Variants in TNNT2 observed in about 807,000 individuals in gnomAD.
TNNT2 encodes the protein troponin T, cardiac muscle.
In TNNT2, 34 loss-of-function variants were observed where a neutral mutation model predicts 62.4. The observed-to-expected ratio is 0.54, with a 90% CI of 0.41 to 0.72. The LOEUF is 0.72. TNNT2 is among the 30% of genes least tolerant of loss of function. The pLI is 0.00. For missense variants in TNNT2, 275 were observed against 381.9 expected, an observed-to-expected ratio of 0.72 and a Z score of 2.33; for synonymous variants, 123 against 127.2, an observed-to-expected ratio of 0.97 and a Z score of 0.22.
At chr1:201,369,711 C>T (rs1010490445) in intron 5 of TNNT2, 105 bp downstream of exon 5, 96 of 1,417,364 alleles carry the variant, frequency 6.8e-5, no homozygotes, top group African/African-American at 5.7e-5. Flanking sequence ...CCGTCCCTGC[C>T]GCCTACTCAC....
At chr1:201,368,422 C>T in intron 5 of TNNT2, 195 bp from the exon 6 acceptor site, 1 of 659,752 alleles carries the variant, frequency 1.5e-6, no homozygotes, top group East Asian at 3.1e-5. Flanking sequence ...CGCCACCCAG[C>T]TTAGCCCCAC....
chr1:201,359,699 G>A (rs368131332), intron 15 of TNNT2, 36 bp from the exon 16 acceptor site: 8 of 1,566,394 alleles, frequency 5.1e-6, no homozygotes, highest in Non-Finnish European at 6.1e-6. Flanking sequence ...GAGCAACGCT[G>A]GAGCTGACTG....
At chr1:201,370,804 C>A (rs1571666757) in intron 4 of TNNT2, among the ~76,000 whole-genome samples, 1 of 152,298 alleles carries the variant, frequency 6.6e-6, no homozygotes, top group South Asian at 2.1e-4. Flanking sequence ...ACTCCACCAC[C>A]CTAAACCTGT....
In TNNT2 at chr1:201,372,011, T is replaced by C; in HGVS notation, c.67+16A>G. 6.2e-7 allele frequency: 1 copy of C among 1,613,842 alleles called. No individual in the cohort carries two copies. Among genetic ancestry groups the C allele is most frequent in the Non-Finnish European group, 8.5e-7 (1 of 1,179,978 alleles). On this transcript the variant is annotated intron_variant, in intron 4 of 16. Coordinates refer to ENST00000656932, the MANE Select transcript of TNNT2 (RefSeq NM_001276345.2). Reference sequence around the variant, plus strand: ...GCCTGCCCCTTTCTGGCTCTCCACCTGCCTGAGGCACATACCTTCAACAGC... The same window carrying C: ...GCCTGCCCCTTTCTGGCTCTCCACCCGCCTGAGGCACATACCTTCAACAGC...
At chr1:201,365,515 G>T in intron 9 of TNNT2, 95 bp downstream of exon 9, 3 of 1,424,190 alleles carry the variant, frequency 2.1e-6, no homozygotes, top group Non-Finnish European at 2.0e-6. Context: ...TCCCACCTAT[G>T]CTCTACCCCA....
intron 8 of TNNT2, chr1:201,365,970 C>G: frequency 7.9e-7 from 1 of 1,271,386 alleles, no homozygotes; most frequent in Non-Finnish European, 1.0e-6. Flanking sequence ...ATGACTTGCT[C>G]AAAGCCACAC....
Position 201,363,379 on chromosome 1 carries a change from C to G in TNNT2, c.517G>C (p.Glu173Gln), listed in dbSNP as rs1558225569. The G allele has an allele frequency of 6.2e-7, 1 of 1,613,906 alleles. No individual in the cohort carries two copies. The highest frequency in any genetic ancestry group is 8.5e-7 in the Non-Finnish European group (1 of 1,179,808). ...AEERARREEEENRRKAEDEAR... is the reference protein window; with the variant it reads ...AEERARREEEQNRRKAEDEAR... ...TCATCCTCAGCCTTCCTCCTGTTCT[C>G]CTCCTCCTCTCGTCGAGCCCTCTCT... The change falls in exon 12 of 17, where the codon GAG (glutamate) becomes CAG (glutamine). Residue 173 changes from glutamate (E) to glutamine (Q), a missense_variant. Transcript: ENST00000656932.
At chr1:201,366,354 T>TA in intron 8 of TNNT2, 10 of 925,480 alleles carry the variant, frequency 1.1e-5, no homozygotes, top group Non-Finnish European at 1.2e-5. Flanking sequence ...AAATGCTCCC[T>TA]ATCCCCCAGC....
Position 201,364,298 on chromosome 1 carries a change from A to G in TNNT2, c.489T>C (p.Ala163=). 2 of 1,612,248 alleles carry G rather than the reference A, an allele frequency of 1.2e-6. No individual in the cohort carries two copies. The highest frequency in any genetic ancestry group is 1.7e-6 in the Non-Finnish European group (2 of 1,179,846). ...TGGGCCTGGGCTAGGGGTCACTCACAGCCAGGCGGTTCTGCCGCTCCTTCT... is the reference window on the plus strand; with the variant it reads ...TGGGCCTGGGCTAGGGGTCACTCACGGCCAGGCGGTTCTGCCGCTCCTTCT... ...EREKERQNRL[A]EERARREEEE... The change falls in exon 11 of 17, where the codon GCT becomes GCC. Residue 163 remains alanine (A), a splice_region_variant and synonymous_variant. Transcript: ENST00000656932.
At position 201,364,241 on chromosome 1, in the gene TNNT2, C is replaced by G. The variant is rs45527945; in HGVS notation, c.489+57G>C. On this transcript the variant is annotated intron_variant, in intron 11 of 16. Coordinates refer to ENST00000656932, the MANE Select transcript of TNNT2 (RefSeq NM_001276345.2). ...GATGAATAGAGAGGGGCCTGGGGGCCCAGCAGGAGCTGGGAGCATGGGGGG... is the reference window on the plus strand; with the variant it reads ...GATGAATAGAGAGGGGCCTGGGGGCGCAGCAGGAGCTGGGAGCATGGGGGG... The G allele has an allele frequency of 8.3e-3, 12,863 of 1,556,130 alleles. 703 individuals are homozygous for G. In the East Asian group the frequency reaches 0.17, roughly 20 times the overall value.
At chr1:201,365,095 C>T (rs1008272790) in intron 10 of TNNT2, 96 bp downstream of exon 10, 10 of 1,084,250 alleles carry the variant, frequency 9.2e-6, no homozygotes, top group African/African-American at 4.6e-5. Context: ...TTTGAGGCGC[C>T]GAGGAAGGCT....
intron 1 of TNNT2, chr1:201,373,472 G>A: frequency 1.6e-6 from 1 of 619,400 alleles, no homozygotes; most frequent in East Asian, 2.8e-5. Context: ...AAGGCCACCT[G>A]CTGATGTCCA....
chr1:201,369,202 C>A (rs1660195849), intron 5 of TNNT2: 1 of 447,588 alleles, frequency 2.2e-6, no homozygotes. Context: ...TACTGCCTCC[C>A]CAACCCACCT....
intron 10 of TNNT2, 46 bp from the exon 11 acceptor site, chr1:201,364,421 G>T: frequency 6.3e-7 from 1 of 1,593,386 alleles, no homozygotes; most frequent in Non-Finnish European, 8.6e-7. Flanking sequence ...TAGGGAGAAG[G>T]TGACATCGCA....
intron 7 of TNNT2, chr1:201,367,125 T>TTC: frequency 1.6e-6 from 1 of 612,028 alleles, no homozygotes; most frequent in Non-Finnish European, 2.9e-6. Flanking sequence ...ACACAAAGCC[T>TTC]TCTCTCACTC....
At chr1:201,363,877 CT>C (rs1240590118) in intron 11 of TNNT2, 2 of 272,634 alleles carry the variant, frequency 7.3e-6, no homozygotes, top group African/African-American at 4.8e-5. Flanking sequence ...TTGATATTGT[CT>C]CTTTTTTTTC....
chr1:201,371,405 C>T (rs1660586654), intron 4 of TNNT2, among the ~76,000 whole-genome samples: 1 of 152,240 alleles, frequency 6.6e-6, no homozygotes, highest in Non-Finnish European at 1.5e-5. Context: ...GACAAATCTT[C>T]ATGCCGAGAT....
intron 11 of TNNT2, chr1:201,363,719 T>C: frequency 2.4e-6 from 1 of 422,118 alleles, no homozygotes; most frequent in Non-Finnish European, 4.4e-6. Flanking sequence ...CTACGGGGCC[T>C]TCGGTTCCCA....
chr1:201,366,806 T>A (rs1321715292), intron 8 of TNNT2, 32 bp downstream of exon 8: 1 of 1,614,044 alleles, frequency 6.2e-7, no homozygotes, highest in Non-Finnish European at 8.5e-7. Flanking sequence ...GAGCCTCTGC[T>A]CCCGGCTCTA....
Sources: gnomAD v4.1 joint callset for allele counts (sites outside exome capture counted in the v4.1 genomes callset) on GRCh38, gnomAD v4.1.1 for gene constraint, MANE v1.5 for transcripts, NCBI Gene and HGNC (gene_info 2026-07-23, HGNC 2026-07-21) for gene names.